DENND1A: variants seen among roughly 807,000 people sequenced by gnomAD.
DENND1A encodes the protein DENN domain containing 1A.
A neutral mutation model predicts 113.7 loss-of-function variants in DENND1A; 51 were observed. That is an observed-to-expected ratio of 0.45 (90% CI 0.36 to 0.57). The LOEUF (loss-of-function observed/expected upper bound fraction) is 0.57. Among genes scored for constraint, DENND1A ranks in the 20% least tolerant of loss-of-function variants. The pLI, the probability that DENND1A is intolerant of heterozygous loss-of-function variation, is 0.00. For synonymous variants in DENND1A, 565 were observed against 570.8 expected, an observed-to-expected ratio of 0.99 and a Z score of 0.14; for missense variants, 1,258 against 1,395.9, an observed-to-expected ratio of 0.90 and a Z score of 1.57.
chr9:123,582,558 C>A (rs1001538755), intron 12 of DENND1A, among the ~76,000 whole-genome samples: 1 of 151,880 alleles, frequency 6.6e-6, no homozygotes, highest in Non-Finnish European at 1.5e-5. Context: ...TGCCACCATG[C>A]TCAGTTAATT....
At chr9:123,466,569 T>A (rs377126618) in intron 13 of DENND1A, among the ~76,000 whole-genome samples, 1 of 152,240 alleles carries the variant, frequency 6.6e-6, no homozygotes, top group Non-Finnish European at 1.5e-5. Context: ...AGTGCTGGGA[T>A]GACAGGCGTG....
chr9:123,419,128 C>T (rs1403678042), intron 19 of DENND1A, among the ~76,000 whole-genome samples: 1 of 152,248 alleles, frequency 6.6e-6, no homozygotes, highest in Non-Finnish European at 1.5e-5. Flanking sequence ...TAGAATAGTA[C>T]AGATGCTGGA....
intron 19 of DENND1A, among the ~76,000 whole-genome samples, chr9:123,427,518 G>C (rs2045832677): frequency 6.6e-6 from 1 of 152,066 alleles, no homozygotes; most frequent in South Asian, 2.1e-4. Context: ...TTTCTCTTCT[G>C]TCCCTCCTCT....
chr9:123,596,834 T>C (rs2059715636), intron 11 of DENND1A, among the ~76,000 whole-genome samples: 2 of 152,238 alleles, frequency 1.3e-5, no homozygotes, highest in South Asian at 4.1e-4. Flanking sequence ...CTCCTAATTA[T>C]GTGTGTGACT....
At chr9:123,682,710 G>A (rs1225128576) in intron 5 of DENND1A, among the ~76,000 whole-genome samples, 1 of 152,156 alleles carries the variant, frequency 6.6e-6, no homozygotes, top group Non-Finnish European at 1.5e-5. Flanking sequence ...CCTCGAGAAA[G>A]CGGTCTTCCC....
chr9:123,403,492 T>G lies in DENND1A; in HGVS notation c.1543-2A>C. 6.2e-7 allele frequency: 1 copy of G among 1,613,790 alleles called. No individual in the cohort carries two copies. The highest frequency in any genetic ancestry group is 8.5e-7 in the Non-Finnish European group (1 of 1,179,842). On this transcript the variant is annotated splice_acceptor_variant, in intron 20 of 23. Coordinates refer to ENST00000394215, the MANE Select transcript of DENND1A (RefSeq NM_001352964.2). LOFTEE classifies it high-confidence loss of function. ...AACATGTGGACGAGGTGGGCGCACC[T>G]AGAGGAGGTACAGGGGGAGAGCCCC...
chr9:123,558,046 T>C (rs374992918), intron 12 of DENND1A, among the ~76,000 whole-genome samples: 1 of 152,180 alleles, frequency 6.6e-6, no homozygotes, highest in Non-Finnish European at 1.5e-5. Context: ...AAATGAATGT[T>C]GTTCCTATTA....
At chr9:123,719,643 T>C (rs551167775) in intron 5 of DENND1A, among the ~76,000 whole-genome samples, 2 of 152,338 alleles carry the variant, frequency 1.3e-5, no homozygotes, top group East Asian at 3.9e-4. Context: ...GATTTTTTTT[T>C]TTTAATTTTG....
At chr9:123,840,835 T>C (rs1385574353) in intron 2 of DENND1A, among the ~76,000 whole-genome samples, 1 of 152,208 alleles carries the variant, frequency 6.6e-6, no homozygotes, top group African/African-American at 2.4e-5. Flanking sequence ...TCGTGTGACA[T>C]TTTATCATGT....
chr9:123,903,726 C>T (rs979967190), intron 1 of DENND1A, among the ~76,000 whole-genome samples: 11 of 152,232 alleles, frequency 7.2e-5, no homozygotes, highest in African/African-American at 2.7e-4. Flanking sequence ...GTCCTACACC[C>T]ACGGTGTCTC....
chr9:123,757,294 C>T (rs186249509), intron 5 of DENND1A, among the ~76,000 whole-genome samples: 3 of 152,294 alleles, frequency 2.0e-5, no homozygotes, highest in Admixed American at 6.5e-5. Context: ...TACTTTAAGG[C>T]GGACACAGTC....
At chr9:123,574,622 A>G (rs1589197181) in intron 12 of DENND1A, among the ~76,000 whole-genome samples, 1 of 152,202 alleles carries the variant, frequency 6.6e-6, no homozygotes, top group Admixed American at 6.5e-5. Context: ...AGTTTCCCCT[A>G]AACAGGGGTG....
intron 5 of DENND1A, among the ~76,000 whole-genome samples, chr9:123,719,297 T>G (rs544417829): frequency 6.6e-6 from 1 of 152,200 alleles, no homozygotes; most frequent in Non-Finnish European, 1.5e-5. Flanking sequence ...CCTTGCTCAG[T>G]ATCACAAACA....
At chr9:123,442,018 A>G (rs899470137) in intron 18 of DENND1A, among the ~76,000 whole-genome samples, 1 of 152,238 alleles carries the variant, frequency 6.6e-6, no homozygotes, top group Non-Finnish European at 1.5e-5. Flanking sequence ...TGAAATGGGC[A>G]TATGGTAGCA....
At chr9:123,414,445 G>A in intron 19 of DENND1A, 4 of 1,475,844 alleles carry the variant, frequency 2.7e-6, no homozygotes, top group Non-Finnish European at 3.6e-6. Context: ...TCATCTCAGT[G>A]GAAGGCCGGC....
intron 13 of DENND1A, among the ~76,000 whole-genome samples, chr9:123,466,577 G>A (rs564467548): frequency 3.3e-4 from 50 of 152,326 alleles, no homozygotes; most frequent in African/African-American, 9.4e-4. Flanking sequence ...GATGACAGGC[G>A]TGAGCCACTG....
chr9:123,882,870 T>A (rs1208748605), intron 1 of DENND1A, among the ~76,000 whole-genome samples: 3 of 152,192 alleles, frequency 2.0e-5, no homozygotes, highest in African/African-American at 4.8e-5. Flanking sequence ...AAGTCTTATG[T>A]GAAATTTACC....
At chr9:123,628,605 G>A (rs1589420039) in intron 10 of DENND1A, among the ~76,000 whole-genome samples, 2 of 152,120 alleles carry the variant, frequency 1.3e-5, no homozygotes, top group Non-Finnish European at 1.5e-5. Flanking sequence ...TGTTATAAGG[G>A]GTTTACATCC....
In DENND1A at chr9:123,760,575, G is replaced by A. The variant is rs2070953463; in HGVS notation, c.183-2753C>T. On this transcript the variant is annotated intron_variant, in intron 4 of 23. Coordinates refer to ENST00000394215, the MANE Select transcript of DENND1A (RefSeq NM_001352964.2). ...ATCCCTCCACCTTACACAGCCAGGA[G>A]AAGAAACACATTTCTATAAAAGTTA... Among the ~76,000 whole-genome samples the A allele has an allele frequency of 2.6e-5, 4 of 152,208 alleles. No homozygotes were observed. The South Asian group carries it at 8.3e-4, about 32-fold the overall frequency.
Sources: gnomAD v4.1 joint callset for allele counts (sites outside exome capture counted in the v4.1 genomes callset) on GRCh38, gnomAD v4.1.1 for gene constraint, MANE v1.5 for transcripts, NCBI Gene and HGNC (gene_info 2026-07-23, HGNC 2026-07-21) for gene names.